Variants in CACNB4 observed in about 807,000 individuals in gnomAD.
The protein encoded by CACNB4 is calcium voltage-gated channel auxiliary subunit beta 4.
Under a neutral mutation model 71.2 loss-of-function variants are expected in CACNB4, and 32 were observed. The ratio of observed to expected loss-of-function variants is 0.45; its 90% CI spans 0.34 to 0.60. The LOEUF (loss-of-function observed/expected upper bound fraction) is 0.60. Ranked by LOEUF, CACNB4 falls within the 20% of genes least tolerant of loss-of-function variation. The pLI, the probability that CACNB4 is intolerant of heterozygous loss-of-function variation, is 0.01. For missense variants in CACNB4, 464 were observed against 647.9 expected (o/e 0.72, Z 3.08); for synonymous variants, 231 against 236.9 (o/e 0.97, Z 0.23).
intron 2 of CACNB4, among the ~76,000 whole-genome samples, chr2:152,073,480 G>A (rs1686814641): frequency 6.6e-6 from 1 of 152,126 alleles, no homozygotes; most frequent in Admixed American, 6.6e-5. Context: ...TGAGAATTTA[G>A]CCACCACCCC....
intron 2 of CACNB4, among the ~76,000 whole-genome samples, chr2:151,966,841 G>C (rs2099871246): frequency 1.3e-5 from 2 of 152,064 alleles, no homozygotes; most frequent in Non-Finnish European, 2.9e-5. Flanking sequence ...AATAATGGCA[G>C]ATAATATATA....
At chr2:151,890,792 A>G (rs186047922) in intron 2 of CACNB4, among the ~76,000 whole-genome samples, 3 of 152,268 alleles carry the variant, frequency 2.0e-5, no homozygotes, top group African/African-American at 7.2e-5. Flanking sequence ...CATGTTCACT[A>G]TTTCTGCATT....
rs533851905 is a variant in CACNB4 at position 151,988,587 on chromosome 2, T to C, written c.148-105217A>G. Among the ~76,000 whole-genome samples, 123 of 152,328 alleles carry C rather than the reference T, an allele frequency of 8.1e-4. 1 individual carries two copies. Among genetic ancestry groups the C allele is most frequent in the East Asian group, 1.5e-3 (8 of 5,192 alleles). On this transcript the variant is annotated intron_variant, in intron 2 of 13. Transcript: ENST00000539935. ...CTTAAACAACAAAGATTTATTTCTC[T>C]GAATTTTGGAGGCTGAGAAGTCCAA...
At chr2:152,008,738 C>G (rs1370751172) in intron 2 of CACNB4, among the ~76,000 whole-genome samples, 1 of 152,188 alleles carries the variant, frequency 6.6e-6, no homozygotes, top group African/African-American at 2.4e-5. Context: ...TGGCCCAAGT[C>G]TAGGGTCTTG....
At chr2:151,981,501 C>T (rs745797899) in intron 2 of CACNB4, among the ~76,000 whole-genome samples, 4 of 151,918 alleles carry the variant, frequency 2.6e-5, no homozygotes, top group South Asian at 2.1e-4. Flanking sequence ...GAACTCCTGT[C>T]GGTGGTAGGG....
At chr2:151,851,810 G>C (rs1338440570) in intron 12 of CACNB4, 1 of 152,144 alleles carries the variant, frequency 6.6e-6, no homozygotes, top group South Asian at 2.1e-4. Flanking sequence ...TTATAAGATT[G>C]TTCCAAAAAT....
intron 2 of CACNB4, among the ~76,000 whole-genome samples, chr2:152,003,818 T>C (rs1473535681): frequency 1.3e-5 from 2 of 151,622 alleles, no homozygotes; most frequent in Non-Finnish European, 2.9e-5. Flanking sequence ...AGGAATATTT[T>C]AAAGAGAAAT....
At chr2:151,861,854 A>AAAAAAAAAAAAAAAAAAAAAAAAAAC (rs1559883066) in intron 9 of CACNB4, 7 of 150,202 alleles carry the variant, frequency 4.7e-5, no homozygotes, top group African/African-American at 1.8e-4. Context: ...AAAAAAAAAA[A>AAAAAAAAAAAAAAAAAAAAAAAAAAC]AAAACTGAAG....
At chr2:151,983,691 A>T (rs2151752858) in intron 2 of CACNB4, among the ~76,000 whole-genome samples, 1 of 152,042 alleles carries the variant, frequency 6.6e-6, no homozygotes, top group Non-Finnish European at 1.5e-5. Flanking sequence ...ACACACACAC[A>T]CACACACACA....
At chr2:152,018,806 A>ACACAC (rs1553812633) in intron 2 of CACNB4, among the ~76,000 whole-genome samples, 1 of 146,684 alleles carries the variant, frequency 6.8e-6, no homozygotes, top group East Asian at 2.0e-4. Flanking sequence ...CCTGTCTCAA[A>ACACAC]ACACACACAC....
intron 2 of CACNB4, among the ~76,000 whole-genome samples, chr2:152,028,747 A>G (rs1032277184): frequency 2.0e-5 from 3 of 152,200 alleles, no homozygotes; most frequent in African/African-American, 7.2e-5. Context: ...GGAGGAGCAG[A>G]TCCTTGCATA....
chr2:152,082,312 G>C (rs1326856266), intron 2 of CACNB4, among the ~76,000 whole-genome samples: 2 of 152,132 alleles, frequency 1.3e-5, no homozygotes, highest in African/African-American at 4.8e-5. Context: ...CTTATCTGAA[G>C]TTTCCAATAT....
chr2:152,038,596 G>A (rs903594319), intron 2 of CACNB4, among the ~76,000 whole-genome samples: 2 of 152,222 alleles, frequency 1.3e-5, no homozygotes, highest in African/African-American at 4.8e-5. Flanking sequence ...GCAGCCTGCT[G>A]GCTCGTATAA....
intron 2 of CACNB4, among the ~76,000 whole-genome samples, chr2:152,030,822 C>T (rs186314562): frequency 6.6e-6 from 1 of 152,260 alleles, no homozygotes; most frequent in East Asian, 1.9e-4. Context: ...GTATATGTGC[C>T]ACATTTTCTT....
intron 2 of CACNB4, among the ~76,000 whole-genome samples, chr2:151,960,830 T>C (rs2099869472): frequency 6.6e-6 from 1 of 152,222 alleles, no homozygotes; most frequent in South Asian, 2.1e-4. Flanking sequence ...TTCCATTAGT[T>C]TCACTTGTTT....
intron 2 of CACNB4, among the ~76,000 whole-genome samples, chr2:151,906,858 C>T (rs2099854949): frequency 6.6e-6 from 1 of 152,162 alleles, no homozygotes; most frequent in African/African-American, 2.4e-5. Flanking sequence ...TACATTCATC[C>T]TAACTCCTAC....
chr2:152,083,064 A>C (rs1366701569), intron 2 of CACNB4, among the ~76,000 whole-genome samples: 1 of 152,182 alleles, frequency 6.6e-6, no homozygotes, highest in Admixed American at 6.5e-5. Context: ...TTCCCTTAGG[A>C]AACTGCCCTC....
intron 2 of CACNB4, among the ~76,000 whole-genome samples, chr2:151,909,291 G>A (rs191275174): frequency 0.01 from 1,573 of 150,594 alleles, 28 homozygotes; most frequent in African/African-American, 0.034. Context: ...AAAAATCAGC[G>A]GGGCATGGTG....
chr2:151,920,999 G>T (rs2099858854), intron 2 of CACNB4, among the ~76,000 whole-genome samples: 1 of 151,920 alleles, frequency 6.6e-6, no homozygotes, highest in Non-Finnish European at 1.5e-5. Flanking sequence ...AAATTAGCTG[G>T]GCATGGTGGT....
Sources: allele counts gnomAD v4.1 joint callset (sites outside exome capture counted in the v4.1 genomes callset), GRCh38; gene constraint gnomAD v4.1.1; transcripts MANE v1.5; gene names NCBI Gene and HGNC (gene_info 2026-07-23, HGNC 2026-07-21).